MCF2L2: variants seen among roughly 807,000 people sequenced by gnomAD.
The protein encoded by MCF2L2 is MCF.2 cell line derived transforming sequence-like 2.
MCF2L2 carries 102 observed loss-of-function variants against 150.2 expected under a neutral mutation model. That is an observed-to-expected ratio of 0.68 (90% CI 0.58 to 0.80). The LOEUF (loss-of-function observed/expected upper bound fraction) is 0.80, where lower values mean the gene tolerates loss of function less well. Among genes scored for constraint, MCF2L2 ranks in the 30% least tolerant of loss-of-function variants. The pLI is 0.00. For missense variants in MCF2L2, 1,256 were observed against 1,372.8 expected, an observed-to-expected ratio of 0.91 and a Z score of 1.34; for synonymous variants, 465 against 491.3, an observed-to-expected ratio of 0.95 and a Z score of 0.71.
Position 183,305,835 on chromosome 3 carries a change from G to A in MCF2L2, c.1113+3881C>T, listed in dbSNP as rs1299706841. Among the ~76,000 whole-genome samples, 2 of 152,154 alleles carry A rather than the reference G, an allele frequency of 1.3e-5. No homozygotes were observed. Among genetic ancestry groups the A allele is most frequent in the Admixed American group, 1.3e-4 (2 of 15,280 alleles). ...CTGCACTCCAGCCTGGGCGGCAAGA[G>A]TGAAACTCCGTCTCAAAAAAAAGGG... On this transcript the variant is annotated intron_variant, in intron 10 of 29. Transcript: ENST00000328913. This position sits in a 1 kb window ranked among gnomAD's most constrained non-coding sequence, Gnocchi z 4.1.
intron 15 of MCF2L2, among the ~76,000 whole-genome samples, chr3:183,255,102 T>G (rs1040425286): frequency 6.6e-6 from 1 of 152,178 alleles, no homozygotes; most frequent in Non-Finnish European, 1.5e-5. Flanking sequence ...TGAAAGTACA[T>G]CCATCAGAAT....
chr3:183,231,370 G>A (rs950016071), intron 15 of MCF2L2, among the ~76,000 whole-genome samples: 10 of 152,138 alleles, frequency 6.6e-5, no homozygotes, highest in African/African-American at 2.4e-4. Flanking sequence ...AGGAAGGTCT[G>A]CCTGACCCCA....
rs542133775 is a variant in MCF2L2, at chr3:183,318,841, T to C, written c.604-624A>G. Reference sequence around the variant, plus strand: ...CACATACCTTAATTTCAAAATACTTTATTGTTAAAAAATGCTAACCATCTT... The same window carrying C: ...CACATACCTTAATTTCAAAATACTTCATTGTTAAAAAATGCTAACCATCTT... On this transcript the variant is annotated intron_variant, in intron 6 of 29. Transcript: ENST00000328913. Among the ~76,000 whole-genome samples, 11 of 152,352 alleles carry C rather than the reference T, an allele frequency of 7.2e-5. No individual in the cohort carries two copies. In the East Asian group the frequency reaches 1.4e-3, roughly 19 times the overall value.
chr3:183,323,794 CAAA>C (rs77727862), intron 5 of MCF2L2, among the ~76,000 whole-genome samples: 3 of 127,628 alleles, frequency 2.4e-5, no homozygotes, highest in East Asian at 2.2e-4. Context: ...AAGACCACAT[CAAA>C]AAAAAAAAAA....
At chr3:183,327,241 C>T (rs1374773321) in intron 5 of MCF2L2, among the ~76,000 whole-genome samples, 3 of 152,092 alleles carry the variant, frequency 2.0e-5, no homozygotes, top group Non-Finnish European at 2.9e-5. Flanking sequence ...AGGAGAATCG[C>T]TTGAACCTGG....
intron 5 of MCF2L2, among the ~76,000 whole-genome samples, chr3:183,334,906 A>G (rs1730412172): frequency 6.6e-6 from 1 of 152,020 alleles, no homozygotes; most frequent in Admixed American, 6.6e-5. Flanking sequence ...GGAGTTTGAG[A>G]CCAGTCTGGG....
Position 183,392,358 on chromosome 3 carries a change from C to A in MCF2L2, c.77-2579G>T, listed in dbSNP as rs547138536. ...GGCCACGCGTGATAGAGTTCCCAGA[C>A]CCTTGGCCTTGAGTTGCAAAGGCTC... On this transcript the variant is annotated intron_variant, in intron 1 of 29. Transcript: ENST00000328913. Among the ~76,000 whole-genome samples the A allele has an allele frequency of 6.6e-5, 10 of 152,306 alleles. No homozygotes were observed. In the South Asian group the frequency reaches 2.1e-3, roughly 32 times the overall value.
At chr3:183,273,062 T>A in intron 15 of MCF2L2, 1 of 1,482,784 alleles carries the variant, frequency 6.7e-7, no homozygotes, top group Non-Finnish European at 9.0e-7. Flanking sequence ...CTGAGAAGAG[T>A]ATCTGTAAAT....
intron 5 of MCF2L2, among the ~76,000 whole-genome samples, chr3:183,334,019 G>T (rs894653944): frequency 6.6e-6 from 1 of 150,888 alleles, no homozygotes; most frequent in Non-Finnish European, 1.5e-5. Context: ...GAGTCAGCTT[G>T]AAGGGGTTCC....
intron 5 of MCF2L2, 64 bp from the exon 6 acceptor site, chr3:183,323,415 T>A: frequency 1.4e-6 from 1 of 738,390 alleles, no homozygotes; most frequent in Non-Finnish European, 2.3e-6. Flanking sequence ...CTCATTTACA[T>A]TCTATTCTTA....
At chr3:183,234,709 T>TA (rs1723733891) in intron 15 of MCF2L2, among the ~76,000 whole-genome samples, 2 of 122,154 alleles carry the variant, frequency 1.6e-5, no homozygotes, top group Non-Finnish European at 3.6e-5. Context: ...TTTTTTTTTT[T>TA]ATTATACTCT....
chr3:183,390,822 A>G (rs1274243240), intron 1 of MCF2L2, among the ~76,000 whole-genome samples: 1 of 152,200 alleles, frequency 6.6e-6, no homozygotes, highest in Non-Finnish European at 1.5e-5. Flanking sequence ...TCTTGAGTCT[A>G]GGAGTTTGAG....
At chr3:183,230,399 C>T (rs1486415887) in intron 16 of MCF2L2, among the ~76,000 whole-genome samples, 2 of 152,184 alleles carry the variant, frequency 1.3e-5, no homozygotes, top group African/African-American at 2.4e-5. Flanking sequence ...CAGGCGTGAG[C>T]CACTGCATCC....
chr3:183,229,643 T>C (rs1446388228), intron 17 of MCF2L2, 23 bp downstream of exon 17: 4 of 1,091,964 alleles, frequency 3.7e-6, no homozygotes, highest in Non-Finnish European at 4.1e-6. Context: ...CCATTCTTTC[T>C]GATAACATGA....
At chr3:183,214,579 T>C (rs1722845118) in intron 22 of MCF2L2, among the ~76,000 whole-genome samples, 2 of 151,142 alleles carry the variant, frequency 1.3e-5, no homozygotes, top group African/African-American at 4.9e-5. Context: ...AAGACCTCAA[T>C]ACATGGTATG....
At chr3:183,282,503 T>C (rs370019042) in intron 14 of MCF2L2, among the ~76,000 whole-genome samples, 3 of 152,326 alleles carry the variant, frequency 2.0e-5, no homozygotes, top group African/African-American at 4.8e-5. Flanking sequence ...AATGTTTTAA[T>C]AAATTTGCAA....
At chr3:183,331,922 A>G (rs995334680) in intron 5 of MCF2L2, among the ~76,000 whole-genome samples, 1 of 152,206 alleles carries the variant, frequency 6.6e-6, no homozygotes, top group Non-Finnish European at 1.5e-5. Flanking sequence ...CTCCATAGAT[A>G]AAGGTAGAGG....
chr3:183,338,447 CAA>C (rs58920831), intron 5 of MCF2L2, among the ~76,000 whole-genome samples: 30 of 104,664 alleles, frequency 2.9e-4, no homozygotes, highest in Non-Finnish European at 3.7e-4. Flanking sequence ...AACTCTATCT[CAA>C]AAAAAAAAAA....
intron 3 of MCF2L2, among the ~76,000 whole-genome samples, chr3:183,345,663 A>G (rs1397392495): frequency 6.6e-6 from 1 of 152,216 alleles, no homozygotes; most frequent in Admixed American, 6.5e-5. Context: ...CAAAATAGAT[A>G]GATTGCTAGC....
Sources: gnomAD v4.1 joint callset for allele counts (sites outside exome capture counted in the v4.1 genomes callset) on GRCh38, gnomAD v4.1.1 for gene constraint, Gnocchi (gnomAD v3.1) non-coding constraint, MANE v1.5 for transcripts, NCBI Gene and HGNC (gene_info 2026-07-23, HGNC 2026-07-21) for gene names.